The following STIM1 variants were observed in gnomAD, a reference collection of about 807,000 sequenced individuals.
STIM1 encodes stromal interaction molecule 1.
A neutral mutation model predicts 74.7 loss-of-function variants in STIM1; 25 were observed. The ratio of observed to expected loss-of-function variants is 0.33; its 90% CI spans 0.24 to 0.47. The LOEUF (loss-of-function observed/expected upper bound fraction) is 0.47. Among genes scored for constraint, STIM1 ranks in the 20% least tolerant of loss-of-function variants. The pLI, the probability that STIM1 is intolerant of heterozygous loss-of-function variation, is 1.00. For missense variants in STIM1, 728 were observed against 920.8 expected, an observed-to-expected ratio of 0.79 and a Z score of 2.71; for synonymous variants, 328 against 348.8, an observed-to-expected ratio of 0.94 and a Z score of 0.66.
chr11:4,091,764 C>T lies in STIM1; in HGVS notation c.2117C>T (p.Pro706Leu). The change falls in exon 13 of 13, where the codon CCC (proline) becomes CTC (leucine). Residue 706 changes from proline (P) to leucine (L), a missense_variant. Pro to Leu is a moderately conservative substitution (Grantham distance 98). Transcript: ENST00000526596. ...TDSSPGRKKFPLKIFKKPLKK is the reference protein window; with the variant it reads ...TDSSPGRKKFLLKIFKKPLKK ...TCCAGCCCAGGCCGGAAGAAGTTTC[C>T]CCTCAAAATCTTTAAGAAGCCTCTT... The T allele has an allele frequency of 6.2e-7, 1 of 1,609,706 alleles. No individual in the cohort carries two copies.
chr11:3,897,953 T>C (rs980108887), intron 1 of STIM1, among the ~76,000 whole-genome samples: 55 of 152,220 alleles, frequency 3.6e-4, no homozygotes, highest in African/African-American at 1.3e-3. Flanking sequence ...TTTGCTGTTG[T>C]GAATAATGCC....
intron 1 of STIM1, among the ~76,000 whole-genome samples, chr11:3,923,608 CAAAAAAAAA>C (rs770788044): frequency 1.0e-4 from 11 of 108,154 alleles, no homozygotes; most frequent in African/African-American, 3.3e-4. Context: ...GACCCTATCT[CAAAAAAAAA>C]AAAAAAAAGG....
At chr11:3,964,922 A>G (rs546023359) in intron 1 of STIM1, among the ~76,000 whole-genome samples, 45 of 152,036 alleles carry the variant, frequency 3.0e-4, no homozygotes, top group Middle Eastern at 6.8e-3. Context: ...ACAGGGTTTC[A>G]CCATGTTGCC....
At chr11:3,860,930 A>G (rs1025769252) in intron 1 of STIM1, among the ~76,000 whole-genome samples, 2 of 152,186 alleles carry the variant, frequency 1.3e-5, no homozygotes, top group Non-Finnish European at 2.9e-5. Flanking sequence ...AGGCTTAATG[A>G]TGTGCAAAAT....
chr11:3,949,840 A>G (rs888312080), intron 1 of STIM1, among the ~76,000 whole-genome samples: 1 of 152,162 alleles, frequency 6.6e-6, no homozygotes. Flanking sequence ...AAATCCACCA[A>G]TCTTGTTCAG....
chr11:4,081,276 T>C (rs561935988), intron 7 of STIM1, among the ~76,000 whole-genome samples: 1 of 152,206 alleles, frequency 6.6e-6, no homozygotes, highest in Non-Finnish European at 1.5e-5. Context: ...TCAGTGTACA[T>C]AATGTCTGTA....
At chr11:4,018,799 C>T (rs2135995622) in intron 2 of STIM1, 1 of 152,424 alleles carries the variant, frequency 6.6e-6, no homozygotes, top group Middle Eastern at 3.4e-3. Context: ...AGTATATTCT[C>T]TTGCCTCAGG....
At chr11:3,987,773 A>T (rs547712163) in intron 2 of STIM1, among the ~76,000 whole-genome samples, 4 of 151,622 alleles carry the variant, frequency 2.6e-5, no homozygotes, top group African/African-American at 9.7e-5. Flanking sequence ...TGTGTAGTAC[A>T]ATACTCTTAA....
At chr11:3,909,774 A>T (rs575396395) in intron 1 of STIM1, among the ~76,000 whole-genome samples, 1 of 148,668 alleles carries the variant, frequency 6.7e-6, no homozygotes, top group Admixed American at 6.8e-5. Flanking sequence ...CCTGGGTGAC[A>T]GAGCGAGACT....
chr11:3,902,802 G>A (rs2092382781), intron 1 of STIM1, among the ~76,000 whole-genome samples: 2 of 152,188 alleles, frequency 1.3e-5, no homozygotes, highest in African/African-American at 4.8e-5. Flanking sequence ...TTAATTTCTG[G>A]CCAGCTGAAG....
At chr11:3,885,515 C>A (rs983048302) in intron 1 of STIM1, among the ~76,000 whole-genome samples, 1 of 152,180 alleles carries the variant, frequency 6.6e-6, no homozygotes, top group African/African-American at 2.4e-5. Flanking sequence ...TTGCTGAGAA[C>A]TATTGGTTTA....
At chr11:3,869,244 T>A (rs1286657709) in intron 1 of STIM1, among the ~76,000 whole-genome samples, 1 of 152,222 alleles carries the variant, frequency 6.6e-6, no homozygotes, top group Non-Finnish European at 1.5e-5. Flanking sequence ...GCTAGGTTTA[T>A]AGGCGTGAGC....
At chr11:3,898,798 T>A (rs1309452305) in intron 1 of STIM1, among the ~76,000 whole-genome samples, 30 of 147,298 alleles carry the variant, frequency 2.0e-4, no homozygotes, top group African/African-American at 6.4e-4. Context: ...CTTGTTTTTC[T>A]CAGGTTTGTC....
chr11:3,969,546 C>T (rs2093371895), intron 2 of STIM1, among the ~76,000 whole-genome samples: 1 of 152,098 alleles, frequency 6.6e-6, no homozygotes, highest in African/African-American at 2.4e-5. Flanking sequence ...GGGGATTTGT[C>T]TGTAAGGATG....
At chr11:3,977,663 A>G (rs975817435) in intron 2 of STIM1, among the ~76,000 whole-genome samples, 1 of 152,248 alleles carries the variant, frequency 6.6e-6, no homozygotes, top group African/African-American at 2.4e-5. Context: ...CAGAAAGAAC[A>G]TATATTTTGA....
At chr11:4,064,493 A>G (rs373479329) in intron 5 of STIM1, among the ~76,000 whole-genome samples, 7 of 152,232 alleles carry the variant, frequency 4.6e-5, no homozygotes, top group Non-Finnish European at 8.8e-5. Flanking sequence ...CATTTAGCAC[A>G]CAAACACCCC....
chr11:3,990,856 T>A (rs1281060018), intron 2 of STIM1, among the ~76,000 whole-genome samples: 1 of 152,222 alleles, frequency 6.6e-6, no homozygotes, highest in Non-Finnish European at 1.5e-5. Context: ...TGCAGGTTTG[T>A]TACAAGAGTA....
intron 1 of STIM1, among the ~76,000 whole-genome samples, chr11:3,956,792 C>A (rs1422808598): frequency 1.8e-5 from 2 of 109,042 alleles, no homozygotes; most frequent in Non-Finnish European, 3.4e-5. Flanking sequence ...AATTGCACTT[C>A]AATCTGGGTG....
chr11:3,883,906 C>G (rs1265807717), intron 1 of STIM1, among the ~76,000 whole-genome samples: 1 of 152,114 alleles, frequency 6.6e-6, no homozygotes, highest in East Asian at 1.9e-4. Flanking sequence ...ATTTAAGACC[C>G]TACTGTGTGC....
Sources: gnomAD v4.1 joint callset for allele counts (sites outside exome capture counted in the v4.1 genomes callset) on GRCh38, gnomAD v4.1.1 for gene constraint, MANE v1.5 for transcripts, NCBI Gene and HGNC (gene_info 2026-07-23, HGNC 2026-07-21) for gene names.